The following ANKRD11 variants were observed in gnomAD, a reference collection of about 807,000 sequenced individuals.
ANKRD11 encodes the protein ankyrin repeat domain 11.
In ANKRD11, 17 loss-of-function variants were observed where a neutral mutation model predicts 195.7. The ratio of observed to expected loss-of-function variants is 0.09; its 90% CI spans 0.06 to 0.13. ANKRD11 has a LOEUF of 0.13. Among genes scored for constraint, ANKRD11 ranks in the 10% least tolerant of loss-of-function variants. The pLI is 1.00. For synonymous variants in ANKRD11, 1,953 were observed against 1,528.1 expected, an observed-to-expected ratio of 1.28 and a Z score of -6.49; for missense variants, 3,735 against 3,566.1, an observed-to-expected ratio of 1.05 and a Z score of -1.21.
At chr16:89,470,136 G>A (rs2057026482) in intron 1 of ANKRD11, among the ~76,000 whole-genome samples, 2 of 151,784 alleles carry the variant, frequency 1.3e-5, no homozygotes, top group East Asian at 2.0e-4. Flanking sequence ...TCCGTGTCCT[G>A]AACTTGTGAT....
intron 2 of ANKRD11, among the ~76,000 whole-genome samples, chr16:89,337,429 CT>C (rs1165680827): frequency 7.4e-3 from 395 of 53,042 alleles, no homozygotes; most frequent in Middle Eastern, 0.036. Flanking sequence ...CTAAGCAATT[CT>C]TTTTTTTTTT....
intron 1 of ANKRD11, among the ~76,000 whole-genome samples, chr16:89,476,202 C>G (rs2057252653): frequency 6.6e-6 from 1 of 152,122 alleles, no homozygotes; most frequent in South Asian, 2.1e-4. Context: ...TATACCAACC[C>G]ATTCTCAAAA....
At chr16:89,314,154 A>AG (rs1392935715) in intron 3 of ANKRD11, among the ~76,000 whole-genome samples, 1 of 151,796 alleles carries the variant, frequency 6.6e-6, no homozygotes, top group Admixed American at 6.6e-5. Flanking sequence ...AGCCTGGGGC[A>AG]GTGGGGCAGG....
At chr16:89,413,315 A>C (rs968649378) in intron 2 of ANKRD11, among the ~76,000 whole-genome samples, 1 of 152,144 alleles carries the variant, frequency 6.6e-6, no homozygotes, top group Non-Finnish European at 1.5e-5. Flanking sequence ...TCTAAATCTT[A>C]ACAAAAACTT....
chr16:89,352,578 C>T (rs557124710), intron 2 of ANKRD11, among the ~76,000 whole-genome samples: 54 of 152,170 alleles, frequency 3.5e-4, no homozygotes, highest in Non-Finnish European at 6.3e-4. Flanking sequence ...CACTTCCTCT[C>T]GCCCTGGCCC....
intron 2 of ANKRD11, among the ~76,000 whole-genome samples, chr16:89,369,938 G>C (rs969808077): frequency 3.9e-5 from 6 of 152,112 alleles, no homozygotes; most frequent in African/African-American, 1.2e-4. Context: ...AACCAAACAC[G>C]GGGGGCCCAG....
intron 1 of ANKRD11, among the ~76,000 whole-genome samples, chr16:89,472,798 A>G (rs1567853578): frequency 6.6e-6 from 1 of 152,264 alleles, no homozygotes; most frequent in Non-Finnish European, 1.5e-5. Flanking sequence ...ATAAATTATT[A>G]CCACAGAGGG....
Position 89,398,150 on chromosome 16 carries a change from C to T in ANKRD11, c.-60+20134G>A, listed in dbSNP as rs142901745. On this transcript the variant is annotated intron_variant, in intron 2 of 12. Coordinates refer to ENST00000301030, the MANE Select transcript of ANKRD11 (RefSeq NM_013275.6). ...AGGGACACTGTGAAACAGCTGAAGA[C>T]TACCTGTGACCTCAGCACTCTGGGA... is the stretch of plus-strand genomic sequence containing the variant. Among the ~76,000 whole-genome samples, 598 of 141,932 alleles carry T rather than the reference C, an allele frequency of 4.2e-3. 6 individuals are homozygous for T. Among genetic ancestry groups the T allele is most frequent in the African/African-American group, 0.016 (548 of 34,460 alleles). The allele number at this position is 141,932 out of a possible 152,430, so 93.1% of individuals were successfully genotyped here.
In ANKRD11 at chr16:89,281,604, G is replaced by A. The variant is rs2034256430; in HGVS notation, c.4938C>T (p.Asp1646=). 3 of 1,614,102 alleles carry A rather than the reference G, an allele frequency of 1.9e-6. No homozygotes were observed. Among genetic ancestry groups the A allele is most frequent in the Non-Finnish European group, 2.5e-6 (3 of 1,180,002 alleles). ...TGAGCTTTTTGTCTTTAAATGGAGG[G>A]TCCAGCCCCGGCGGTTTCTTAGCAG... is the stretch of plus-strand genomic sequence containing the variant. ...DIPAKKPPGL[D]PPFKDKKLKE... Residue 1646 remains aspartate (D), a synonymous_variant, in exon 9 of 13, where the codon GAC becomes GAT. Transcript: ENST00000301030. The surrounding 1 kb of genome is among the most constrained non-coding windows in gnomAD (Gnocchi z 5.5).
At chr16:89,354,325 C>G (rs1310959406) in intron 2 of ANKRD11, among the ~76,000 whole-genome samples, 2 of 151,564 alleles carry the variant, frequency 1.3e-5, no homozygotes, top group Non-Finnish European at 2.9e-5. Flanking sequence ...TTCCTTCTCA[C>G]TGTCAATCTT....
intron 2 of ANKRD11, among the ~76,000 whole-genome samples, chr16:89,394,146 G>A (rs894015671): frequency 1.3e-5 from 2 of 152,174 alleles, no homozygotes; most frequent in African/African-American, 4.8e-5. Flanking sequence ...CTCAGCTGCT[G>A]CAAGCACAAT....
chr16:89,364,882 T>C (rs7185926), intron 2 of ANKRD11, among the ~76,000 whole-genome samples: 6,356 of 152,308 alleles, frequency 0.042, 329 homozygotes, highest in African/African-American at 0.12. Context: ...GGCACGCAGA[T>C]GGCCCAGGGA....
intron 11 of ANKRD11, 88 bp from the exon 12 acceptor site, chr16:89,270,997 G>A (rs761529024): frequency 2.3e-5 from 28 of 1,229,158 alleles, no homozygotes; most frequent in South Asian, 5.0e-5. Context: ...TGCAGTGACC[G>A]TTCTCAAGGG....
rs917262078 is a variant in ANKRD11, at chr16:89,292,174, C to T, written c.227-991G>A. Among the ~76,000 whole-genome samples, 5 of 152,190 alleles carry T rather than the reference C, an allele frequency of 3.3e-5. 1 individual carries two copies. The highest frequency in any genetic ancestry group is 1.2e-4 in the African/African-American group (5 of 41,450). On this transcript the variant is annotated intron_variant, in intron 4 of 12. Transcript: ENST00000301030. ...CAAGGCCTGACTCGGGGAAGAAGGG[C>T]CACCAGGAAGACGTGGGCCTCTGAA...
At chr16:89,316,177 C>T (rs1426141259) in intron 3 of ANKRD11, among the ~76,000 whole-genome samples, 1 of 152,028 alleles carries the variant, frequency 6.6e-6, no homozygotes, top group Non-Finnish European at 1.5e-5. Flanking sequence ...TTCACTCCAC[C>T]AGACACGATA....
intron 2 of ANKRD11, among the ~76,000 whole-genome samples, chr16:89,386,452 G>A (rs2152116915): frequency 6.6e-6 from 1 of 152,238 alleles, no homozygotes; most frequent in Non-Finnish European, 1.5e-5. Context: ...CTAGCAAGAG[G>A]CCCTCTTTTC....
intron 1 of ANKRD11, among the ~76,000 whole-genome samples, chr16:89,477,073 C>T (rs2057283652): frequency 6.6e-6 from 1 of 152,194 alleles, no homozygotes; most frequent in Admixed American, 6.5e-5. Flanking sequence ...AAAAGGTTCT[C>T]CTTTGGTCTT....
chr16:89,406,119 A>AC (rs1464281494), intron 2 of ANKRD11, among the ~76,000 whole-genome samples: 1 of 152,000 alleles, frequency 6.6e-6, no homozygotes, highest in Non-Finnish European at 1.5e-5. Context: ...CAAAAAAAAA[A>AC]AAAAAAAAAA....
intron 3 of ANKRD11, among the ~76,000 whole-genome samples, chr16:89,313,769 C>T (rs888566468): frequency 4.9e-4 from 75 of 152,296 alleles, no homozygotes; most frequent in African/African-American, 1.8e-3. Flanking sequence ...CTTCTAACAG[C>T]AGCTGCAACC....
Sources: allele counts gnomAD v4.1 joint callset (sites outside exome capture counted in the v4.1 genomes callset), GRCh38; gene constraint gnomAD v4.1.1; non-coding constraint Gnocchi (gnomAD v3.1); transcripts MANE v1.5; gene names NCBI Gene and HGNC (gene_info 2026-07-23, HGNC 2026-07-21).